Variants in MOXD1 observed in about 807,000 individuals in gnomAD.
MOXD1 encodes the protein monooxygenase DBH like 1.
MOXD1 carries 62 observed loss-of-function variants against 66.6 expected under a neutral mutation model. The ratio of observed to expected loss-of-function variants is 0.93; its 90% CI spans 0.76 to 1.15. The LOEUF is 1.15. MOXD1 is among the 50% of genes most tolerant of loss of function. The pLI is 0.00. For missense variants in MOXD1, 847 were observed against 754.6 expected (o/e 1.12, Z -1.44); for synonymous variants, 303 against 281.9 (o/e 1.07, Z -0.75).
chr6:132,329,200 T>A (rs1362465731), intron 4 of MOXD1, among the ~76,000 whole-genome samples: 3 of 152,070 alleles, frequency 2.0e-5, no homozygotes, highest in Admixed American at 1.3e-4. Flanking sequence ...CACCTATGAG[T>A]GAGAACATGC....
intron 10 of MOXD1, 58 bp downstream of exon 10, chr6:132,315,577 T>A: frequency 6.5e-7 from 1 of 1,529,980 alleles, no homozygotes; most frequent in Non-Finnish European, 8.9e-7. Context: ...AGTATGACAA[T>A]AAAGCCCATC....
rs869205496 is a variant in MOXD1 at position 132,340,638 on chromosome 6, A to ATTTTTTTTTTTTTTTTTTTTTTTTT, written c.664-12069_664-12045dup. ...ACAACATGCTAAAACAACAAGACTC[A>ATTTTTTTTTTTTTTTTTTTTTTTTT]TTTTTTTTTTTTTTTTTTTTTTTTT... On this transcript the variant is annotated intron_variant, in intron 4 of 11. Transcript: ENST00000367963. Among the ~76,000 whole-genome samples the ATTTTTTTTTTTTTTTTTTTTTTTTT allele has an allele frequency of 4.0e-5, 4 of 98,806 alleles. 1 individual carries two copies. The highest frequency in any genetic ancestry group is 1.8e-4 in the African/African-American group (4 of 22,540). The allele number at this position is 98,806 out of a possible 152,430, so 64.8% of individuals were successfully genotyped here.
intron 6 of MOXD1, among the ~76,000 whole-genome samples, chr6:132,327,745 G>A (rs1775218945): frequency 6.6e-6 from 1 of 152,136 alleles, no homozygotes; most frequent in African/African-American, 2.4e-5. Flanking sequence ...TCTACTTCCT[G>A]GTAGGTAGCA....
At chr6:132,349,209 A>G (rs1171856302) in intron 4 of MOXD1, among the ~76,000 whole-genome samples, 5 of 148,864 alleles carry the variant, frequency 3.4e-5, no homozygotes, top group Admixed American at 1.4e-4. Flanking sequence ...TAGCTCCTAT[A>G]TATCAGTGAG....
chr6:132,299,945 T>TATCA (rs1774495742), intron 10 of MOXD1, among the ~76,000 whole-genome samples: 1 of 152,058 alleles, frequency 6.6e-6, no homozygotes, highest in Non-Finnish European at 1.5e-5. Flanking sequence ...GCACATTGAA[T>TATCA]ATCATCTTTT....
At chr6:132,298,484 C>T (rs1461584588) in intron 10 of MOXD1, among the ~76,000 whole-genome samples, 1 of 152,140 alleles carries the variant, frequency 6.6e-6, no homozygotes, top group Non-Finnish European at 1.5e-5. Context: ...CTAAAAGATA[C>T]TGTGAGAGAT....
chr6:132,319,343 T>C (rs1755884167), intron 9 of MOXD1, among the ~76,000 whole-genome samples: 2 of 151,994 alleles, frequency 1.3e-5, no homozygotes, highest in African/African-American at 2.4e-5. Context: ...CCAATATGAA[T>C]AGAAGTATTT....
At chr6:132,399,724 C>T (rs1490992266) in intron 1 of MOXD1, among the ~76,000 whole-genome samples, 3 of 152,098 alleles carry the variant, frequency 2.0e-5, no homozygotes, top group African/African-American at 7.2e-5. Context: ...GTAGAACATG[C>T]AAGGATAGTT....
At position 132,315,778 on chromosome 6, in the gene MOXD1, CTGAAAA is replaced by C; in HGVS notation, c.1366-7_1366-2del. ...TTTCACTCCTGGTGCTTAGTCCTCC[CTGAAAA>C]CAGATAGTTTATTTAGCAAAGTATG... On this transcript the variant is annotated splice_acceptor_variant and splice_polypyrimidine_tract_variant and intron_variant, in intron 9 of 11. Coordinates refer to ENST00000367963, the MANE Select transcript of MOXD1 (RefSeq NM_015529.4). LOFTEE classifies it high-confidence loss of function. The C allele has an allele frequency of 6.2e-7, 1 of 1,612,890 alleles. No homozygotes were observed. The highest frequency in any genetic ancestry group is 1.3e-5 in the African/African-American group (1 of 74,958).
chr6:132,398,713 G>A (rs1776952450), intron 1 of MOXD1, among the ~76,000 whole-genome samples: 1 of 152,038 alleles, frequency 6.6e-6, no homozygotes, highest in African/African-American at 2.4e-5. Context: ...GCCGAGGCAG[G>A]TGGATCACCT....
intron 1 of MOXD1, among the ~76,000 whole-genome samples, chr6:132,381,239 AC>A (rs1776501774): frequency 6.6e-6 from 1 of 152,166 alleles, no homozygotes; most frequent in Non-Finnish European, 1.5e-5. Context: ...AAACACAAGA[AC>A]CTATCATCTG....
chr6:132,327,496 C>G (rs1485389075), intron 6 of MOXD1, among the ~76,000 whole-genome samples: 2 of 152,128 alleles, frequency 1.3e-5, no homozygotes, highest in East Asian at 3.9e-4. Context: ...GAATATCATA[C>G]AAATGATTTC....
intron 1 of MOXD1, among the ~76,000 whole-genome samples, chr6:132,397,700 A>AAGAAAGAG (rs1406730936): frequency 1.3e-5 from 2 of 148,608 alleles, no homozygotes; most frequent in Non-Finnish European, 3.0e-5. Flanking sequence ...GAAAGAAAGA[A>AAGAAAGAG]AAAGAAAGAG....
intron 4 of MOXD1, among the ~76,000 whole-genome samples, chr6:132,360,348 C>T (rs1040696483): frequency 6.6e-6 from 1 of 152,182 alleles, no homozygotes; most frequent in Admixed American, 6.5e-5. Flanking sequence ...AGTAACACTG[C>T]CTACATCATA....
rs1562290014 is a variant in MOXD1, at chr6:132,349,438, T to TATATATATATAC, written c.664-20845_664-20844insGTATATATATAT. On this transcript the variant is annotated intron_variant, in intron 4 of 11. Transcript: ENST00000367963. Reference sequence around the variant, plus strand: ...ATATATATACATATATATATATACATATATATATATATACATATATATATA... The same window carrying TATATATATATAC: ...ATATATATACATATATATATATACATATATATATATACATATATATATATACATATATATATA... Among the ~76,000 whole-genome samples, 15 of 14,680 alleles carry TATATATATATAC rather than the reference T, an allele frequency of 1.0e-3. 1 individual carries two copies. Among genetic ancestry groups the TATATATATATAC allele is most frequent in the African/African-American group, 2.1e-3 (5 of 2,336 alleles). 9.6% of individuals were successfully genotyped at this position (14,680 alleles called of 152,430 possible). A position where few individuals can be genotyped will look rare whatever the true frequency, so the allele number is the denominator to read the frequency against.
intron 4 of MOXD1, among the ~76,000 whole-genome samples, chr6:132,370,787 C>T (rs1776248656): frequency 6.6e-6 from 1 of 152,024 alleles, no homozygotes; most frequent in African/African-American, 2.4e-5. Flanking sequence ...TATGTATTCC[C>T]AAAAGTACTT....
At chr6:132,305,290 C>A (rs1582559013) in intron 10 of MOXD1, among the ~76,000 whole-genome samples, 2 of 152,370 alleles carry the variant, frequency 1.3e-5, no homozygotes, top group East Asian at 3.9e-4. Flanking sequence ...CTGACCCATC[C>A]TTCCTCACTG....
rs539329852 is a variant in MOXD1, at chr6:132,349,406, C to CAT, written c.664-20814_664-20813dup. ...GTATATATATATACACATATATATA[C>CAT]ATATATATATATATACATATATATA... On this transcript the variant is annotated intron_variant, in intron 4 of 11. Transcript: ENST00000367963. 2.4e-4 allele frequency among the ~76,000 whole-genome samples: 17 copies of CAT among 72,034 alleles called. 1 individual carries two copies. Among genetic ancestry groups the CAT allele is most frequent in the African/African-American group, 6.4e-4 (8 of 12,570 alleles). The allele number at this position is 72,034 out of a possible 152,430, so 47.3% of individuals were successfully genotyped here. A position where few individuals can be genotyped will look rare whatever the true frequency, so the allele number is the denominator to read the frequency against.
At chr6:132,316,431 A>C (rs1337675959) in intron 9 of MOXD1, among the ~76,000 whole-genome samples, 2 of 152,116 alleles carry the variant, frequency 1.3e-5, no homozygotes, top group Non-Finnish European at 2.9e-5. Context: ...AAACAGATAA[A>C]AATATGTTCA....
Sources: allele counts gnomAD v4.1 joint callset (sites outside exome capture counted in the v4.1 genomes callset), GRCh38; gene constraint gnomAD v4.1.1; transcripts MANE v1.5; gene names NCBI Gene and HGNC (gene_info 2026-07-23, HGNC 2026-07-21).